Variants in ITSN2 observed in about 807,000 individuals in gnomAD.
ITSN2 encodes the protein intersectin-2.
Under a neutral mutation model 243.7 loss-of-function variants are expected in ITSN2, and 156 were observed. That is an observed-to-expected ratio of 0.64 (90% CI 0.56 to 0.73). ITSN2 has a LOEUF of 0.73. Ranked by LOEUF, ITSN2 falls within the 30% of genes least tolerant of loss-of-function variation. ITSN2 has a pLI of 0.00. For synonymous variants in ITSN2, 703 were observed against 699.9 expected, an observed-to-expected ratio of 1.00 and a Z score of -0.07; for missense variants, 1,801 against 1,996.1, an observed-to-expected ratio of 0.90 and a Z score of 1.86.
rs147704137 is a variant in ITSN2 at position 24,207,337 on chromosome 2, G to A, written c.4678+900C>T. Among the ~76,000 whole-genome samples, 317 of 152,170 alleles carry A rather than the reference G, an allele frequency of 2.1e-3. 8 individuals carry two copies. Among genetic ancestry groups the A allele is most frequent in the East Asian group, 0.019 (100 of 5,172 alleles). The stretch of plus-strand genomic sequence containing the variant: ...TGACCAGGTGTGAGGTGCCAGGGAG[G>A]GGCCTGGGTGGCCAGGGACCACACT... On this transcript the variant is annotated intron_variant, in intron 37 of 39. Transcript: ENST00000355123.
intron 22 of ITSN2, among the ~76,000 whole-genome samples, chr2:24,260,903 C>CAAAAA (rs34385491): frequency 0.011 from 1,286 of 117,318 alleles, 41 homozygotes; most frequent in African/African-American, 0.035. Context: ...GGCTCCGTCT[C>CAAAAA]AAAAAAAAAA....
At chr2:24,206,364 G>A (rs534594662) in intron 37 of ITSN2, 20 of 349,860 alleles carry the variant, frequency 5.7e-5, no homozygotes, top group African/African-American at 3.6e-4. Context: ...GCATGGGGGG[G>A]CCCGGCGGGA....
In ITSN2 at chr2:24,348,616, CA is replaced by C. The variant is rs113339436; in HGVS notation, c.-34+11687del. 5.0e-3 allele frequency among the ~76,000 whole-genome samples: 755 copies of C among 152,278 alleles called. 12 individuals are homozygous for C. Among genetic ancestry groups the C allele is most frequent in the African/African-American group, 0.018 (737 of 41,554 alleles). On this transcript the variant is annotated intron_variant, in intron 1 of 39. Coordinates refer to ENST00000355123, the MANE Select transcript of ITSN2 (RefSeq NM_006277.3). ...ATGCTACATCCAGTGCTAAAAACTA[CA>C]GAGGAAAAGTACACTACAACAAACA...
chr2:24,298,759 C>T lies in ITSN2; in HGVS notation c.1400G>A (p.Arg467Gln), dbSNP rs146154232. The part of the protein sequence containing the change: ...QRRLEWERIR[R>Q]QELLNQKNRE... ...ATTCTTTTGATTGAGAAGCTCCTGT[C>T]GCCGAATTCTCTCCCATTCTAAGCG... is the stretch of plus-strand genomic sequence containing the variant. The change falls in exon 13 of 40, where the codon CGA (arginine) becomes CAA (glutamine). Residue 467 changes from arginine to glutamine, a missense_variant. Transcript: ENST00000355123. The T allele has an allele frequency of 5.6e-6, 9 of 1,612,472 alleles. No homozygotes were observed. The highest frequency in any genetic ancestry group is 5.0e-5 in the Admixed American group (3 of 59,848).
chr2:24,300,802 T>C (rs560702331), intron 11 of ITSN2, among the ~76,000 whole-genome samples: 2 of 152,352 alleles, frequency 1.3e-5, no homozygotes, highest in East Asian at 3.9e-4. Flanking sequence ...CATCCTAATA[T>C]ATTAAAACAG....
intron 17 of ITSN2, among the ~76,000 whole-genome samples, chr2:24,279,987 C>T (rs548002361): frequency 6.6e-6 from 1 of 152,198 alleles, no homozygotes. Flanking sequence ...CCGCCTCAGC[C>T]TCCCAAAGTG....
At chr2:24,246,513 T>G (rs1410881435) in intron 28 of ITSN2, among the ~76,000 whole-genome samples, 193 bp from the exon 29 acceptor site, 1 of 152,136 alleles carries the variant, frequency 6.6e-6, no homozygotes, top group Non-Finnish European at 1.5e-5. Context: ...ATTTCCCAAC[T>G]GCAGTTAACA....
At chr2:24,298,465 A>AT (rs551187399) in intron 13 of ITSN2, among the ~76,000 whole-genome samples, 200 bp downstream of exon 13, 114 of 146,190 alleles carry the variant, frequency 7.8e-4, no homozygotes, top group South Asian at 3.7e-3. Flanking sequence ...CAGCTGGCTA[A>AT]TTTTTTTTTT....
intron 21 of ITSN2, 85 bp downstream of exon 21, chr2:24,261,476 T>G: frequency 8.9e-7 from 1 of 1,119,224 alleles, no homozygotes; most frequent in Non-Finnish European, 1.3e-6. Flanking sequence ...TACACTATGA[T>G]GAAGTAGTAG....
chr2:24,254,511 G>A (rs766066382), intron 23 of ITSN2, 80 bp from the exon 24 acceptor site: 1 of 1,081,646 alleles, frequency 9.2e-7, no homozygotes, highest in Non-Finnish European at 1.4e-6. Flanking sequence ...TGCACAGCAG[G>A]TTTTAGTAGT....
rs1688857785 is a variant in ITSN2, at chr2:24,360,446, GC to G, written c.-177del. ...CAGCTGGCTTGGTCGTCAGGCCGCC[GC>G]CCGCGAACCTGTTGCGTAGCCTGTC... On this transcript the variant is annotated 5_prime_UTR_variant, in exon 1 of 40. Transcript: ENST00000355123. The G allele has an allele frequency of 6.6e-6, 1 of 152,416 alleles. No homozygotes were observed. The highest frequency in any genetic ancestry group is 1.5e-5 in the Non-Finnish European group (1 of 68,278). 9.4% of individuals were successfully genotyped at this position (152,416 alleles called of 1,614,324 possible). A position where few individuals can be genotyped will look rare whatever the true frequency, so the allele number is the denominator to read the frequency against.
chr2:24,254,014 T>C (rs1299423220), intron 24 of ITSN2, among the ~76,000 whole-genome samples: 1 of 152,228 alleles, frequency 6.6e-6, no homozygotes, highest in African/African-American at 2.4e-5. Flanking sequence ...TGGTACATTG[T>C]AATTAAAATG....
chr2:24,209,763 T>G, intron 35 of ITSN2, 55 bp downstream of exon 35: 1 of 1,413,960 alleles, frequency 7.1e-7, no homozygotes, highest in South Asian at 1.2e-5. Context: ...GGCCTTAAGA[T>G]AGAGGCAACA....
chr2:24,293,657 A>G, intron 15 of ITSN2, 31 bp downstream of exon 15: 1 of 750,520 alleles, frequency 1.3e-6, no homozygotes, highest in Non-Finnish European at 2.2e-6. Flanking sequence ...AGAAAAGGAT[A>G]AAAGTAATCA....
intron 1 of ITSN2, among the ~76,000 whole-genome samples, chr2:24,344,227 G>A (rs976322805): frequency 1.3e-5 from 2 of 152,072 alleles, no homozygotes; most frequent in Admixed American, 6.6e-5. Context: ...ACATTAAGAC[G>A]GTTTCCAGTT....
intron 20 of ITSN2, among the ~76,000 whole-genome samples, chr2:24,265,593 C>A (rs1006523470): frequency 6.6e-6 from 1 of 152,124 alleles, no homozygotes; most frequent in East Asian, 1.9e-4. Flanking sequence ...CTATGGTAAG[C>A]CACTTTAGAC....
At chr2:24,262,057 A>G (rs1675967996) in intron 20 of ITSN2, among the ~76,000 whole-genome samples, 1 of 152,142 alleles carries the variant, frequency 6.6e-6, no homozygotes, top group Non-Finnish European at 1.5e-5. Flanking sequence ...CTGACCTGCC[A>G]TTCTTCCTGG....
intron 24 of ITSN2, among the ~76,000 whole-genome samples, chr2:24,252,756 T>C (rs1007263742): frequency 2.6e-5 from 4 of 152,156 alleles, no homozygotes; most frequent in African/African-American, 9.7e-5. Flanking sequence ...CAATTGTTTA[T>C]TTTTTTATCA....
At chr2:24,240,264 G>A (rs1319793614) in intron 29 of ITSN2, 2 of 152,160 alleles carry the variant, frequency 1.3e-5, no homozygotes, top group African/African-American at 4.8e-5. Context: ...GCAAGAACAG[G>A]TAATTAATAC....
Sources: gnomAD v4.1 joint callset for allele counts (sites outside exome capture counted in the v4.1 genomes callset) on GRCh38, gnomAD v4.1.1 for gene constraint, MANE v1.5 for transcripts, NCBI Gene and HGNC (gene_info 2026-07-23, HGNC 2026-07-21) for gene names.